CD96: variants seen among roughly 807,000 people sequenced by gnomAD.
The protein encoded by CD96 is CD96 molecule, also known as T-cell surface protein tactile.
In CD96, 70 loss-of-function variants were observed where a neutral mutation model predicts 71.3. That is an observed-to-expected ratio of 0.98 (90% confidence interval 0.81 to 1.20). The LOEUF (loss-of-function observed/expected upper bound fraction) is 1.20, where lower values mean the gene tolerates loss of function less well. Among genes scored for constraint, CD96 ranks in the 50% most tolerant of loss-of-function variants. The probability of loss-of-function intolerance (pLI) is 0.00; values close to 1 mark genes in which losing one functional copy is unlikely to be tolerated. For synonymous variants in CD96, 248 were observed against 233.0 expected (o/e 1.06, Z -0.59); for missense variants, 742 against 677.5 (o/e 1.10, Z -1.06).
At chr3:111,622,675 T>A (rs1049691480) in intron 8 of CD96, among the ~76,000 whole-genome samples, 1 of 152,260 alleles carries the variant, frequency 6.6e-6, no homozygotes, top group African/African-American at 2.4e-5. Context: ...ATGAACATAC[T>A]GGCTATCATA....
chr3:111,612,580 A>G (rs1484830538), intron 8 of CD96, among the ~76,000 whole-genome samples: 2 of 152,232 alleles, frequency 1.3e-5, no homozygotes, highest in Non-Finnish European at 2.9e-5. Context: ...CACTTTACAG[A>G]TGAAGATACT....
chr3:111,542,715 A>G (rs182651435), intron 1 of CD96, among the ~76,000 whole-genome samples: 1 of 152,286 alleles, frequency 6.6e-6, no homozygotes. Context: ...TTTCTCTCTC[A>G]AGTACTCTCT....
chr3:111,567,652 G>A lies in CD96; in HGVS notation c.543+5G>A, dbSNP rs775765829. On this transcript the variant is annotated splice_donor_5th_base_variant and intron_variant, in intron 3 of 13. Transcript: ENST00000352690. ...TTCACCTATGCATGGTCGGTGGTAAGTGTTGCCCTTTTCAGTGAATAACCT... is the reference window on the plus strand; with the variant it reads ...TTCACCTATGCATGGTCGGTGGTAAATGTTGCCCTTTTCAGTGAATAACCT... The A allele has an allele frequency of 1.9e-6, 3 of 1,612,930 alleles. No individual in the cohort carries two copies. Among genetic ancestry groups the A allele is most frequent in the Non-Finnish European group, 1.7e-6 (2 of 1,178,956 alleles).
chr3:111,579,058 C>T lies in CD96; in HGVS notation c.575C>T (p.Ser192Phe), dbSNP rs267599539. 6.2e-7 allele frequency: 1 copy of T among 1,609,584 alleles called. No individual in the cohort carries two copies. Among genetic ancestry groups the T allele is most frequent in the South Asian group, 1.1e-5 (1 of 90,972 alleles). The change falls in exon 4 of 14, where the codon TCC becomes TTC. Residue 192 changes from serine (S) to phenylalanine (F), a missense_variant. Ser to Phe is a radical substitution (Grantham distance 155). Transcript: ENST00000352690. ...AATGGAACTCAGGAAACACTTATCT[C>T]CCAAAATCACCTCATCAGCAATTCC... ...EDNGTQETLI[S>F]QNHLISNSTL...
At chr3:111,551,637 G>T (rs1934710774) in intron 2 of CD96, among the ~76,000 whole-genome samples, 1 of 152,096 alleles carries the variant, frequency 6.6e-6, no homozygotes, top group South Asian at 2.1e-4. Flanking sequence ...TGCCATGGTA[G>T]TTTGCTGCAC....
chr3:111,569,641 C>T (rs763068256), intron 3 of CD96, among the ~76,000 whole-genome samples: 12 of 152,196 alleles, frequency 7.9e-5, no homozygotes, highest in Non-Finnish European at 1.8e-4. Context: ...TAAAGCCTTA[C>T]TGTAGATATT....
chr3:111,646,313 T>A (rs947244754), intron 12 of CD96, among the ~76,000 whole-genome samples: 2 of 152,116 alleles, frequency 1.3e-5, no homozygotes, highest in Non-Finnish European at 2.9e-5. Context: ...TGTGGTGATA[T>A]GGAAAGTATT....
intron 2 of CD96, among the ~76,000 whole-genome samples, chr3:111,555,911 C>T (rs1934991135): frequency 6.6e-6 from 1 of 152,292 alleles, no homozygotes; most frequent in Non-Finnish European, 1.5e-5. Flanking sequence ...TGTTACCATA[C>T]TTGATACTGT....
rs531122825 is a variant in CD96 at position 111,604,874 on chromosome 3, T to G, written c.1088-1826T>G. 1.6e-3 allele frequency among the ~76,000 whole-genome samples: 246 copies of G among 150,738 alleles called. 2 individuals carry two copies. The highest frequency in any genetic ancestry group is 5.9e-3 in the African/African-American group (238 of 40,530). ...CACAAAAGCAACCATGGACAATAGGTTAAAAGAAAAAAAGGGAAAAACTGT... is the reference window on the plus strand; with the variant it reads ...CACAAAAGCAACCATGGACAATAGGGTAAAAGAAAAAAAGGGAAAAACTGT... On this transcript the variant is annotated intron_variant, in intron 7 of 13. Transcript: ENST00000352690.
Position 111,651,329 on chromosome 3 carries a change from G to A in CD96, c.*1523G>A, listed in dbSNP as rs530231449. 5.3e-5 allele frequency: 8 copies of A among 152,284 alleles called. No homozygotes were observed. The East Asian group carries it at 1.5e-3, about 29-fold the overall frequency. 9.4% of individuals were successfully genotyped at this position (152,284 alleles called of 1,614,324 possible). Reference sequence around the variant, plus strand: ...TGAATACAGATGATTTGTGTAACCTGAGGCCAGGATTAAGGGGAGGCAATC... The same window carrying A: ...TGAATACAGATGATTTGTGTAACCTAAGGCCAGGATTAAGGGGAGGCAATC... On this transcript the variant is annotated 3_prime_UTR_variant, in exon 14 of 14. Transcript: ENST00000352690.
At chr3:111,641,148 A>C (rs1321336465) in intron 12 of CD96, among the ~76,000 whole-genome samples, 1 of 152,262 alleles carries the variant, frequency 6.6e-6, no homozygotes, top group Non-Finnish European at 1.5e-5. Flanking sequence ...CTCATATTTC[A>C]ATACTAATAC....
At chr3:111,588,501 A>G (rs1936818058) in intron 5 of CD96, among the ~76,000 whole-genome samples, 1 of 151,990 alleles carries the variant, frequency 6.6e-6, no homozygotes, top group Non-Finnish European at 1.5e-5. Flanking sequence ...AACTGTTCCA[A>G]CCTCTGCCTG....
chr3:111,664,701 G>A (rs866392044), intron 14 of CD96, among the ~76,000 whole-genome samples: 2 of 152,124 alleles, frequency 1.3e-5, no homozygotes, highest in African/African-American at 2.4e-5. Context: ...AAAAGGGAGA[G>A]AGGACTATAT....
intron 2 of CD96, among the ~76,000 whole-genome samples, chr3:111,556,247 A>G (rs111997663): frequency 0.031 from 1,089 of 35,632 alleles, 25 homozygotes; most frequent in African/African-American, 0.082. Flanking sequence ...GTACATGTGC[A>G]CATTGTGCAG....
chr3:111,554,692 A>G (rs1934897898), intron 2 of CD96, among the ~76,000 whole-genome samples: 2 of 152,150 alleles, frequency 1.3e-5, no homozygotes, highest in African/African-American at 4.8e-5. Context: ...AGGTACCGGC[A>G]TGGAAGACAA....
intron 3 of CD96, among the ~76,000 whole-genome samples, chr3:111,576,357 C>T (rs1275618713): frequency 2.6e-5 from 4 of 152,122 alleles, no homozygotes; most frequent in Non-Finnish European, 5.9e-5. Flanking sequence ...GTGCTCTAAA[C>T]ACCTATCATC....
intron 3 of CD96, among the ~76,000 whole-genome samples, chr3:111,573,366 A>G (rs1223426813): frequency 6.6e-6 from 1 of 152,200 alleles, no homozygotes; most frequent in Non-Finnish European, 1.5e-5. Flanking sequence ...ATTTCCTACC[A>G]TGACATACAC....
intron 4 of CD96, among the ~76,000 whole-genome samples, chr3:111,581,767 G>T (rs922528328): frequency 1.5e-4 from 23 of 152,264 alleles, no homozygotes; most frequent in African/African-American, 5.5e-4. Flanking sequence ...GCTGGTATTT[G>T]TTAACAGGAG....
At chr3:111,585,808 G>C (rs1252007422) in intron 5 of CD96, among the ~76,000 whole-genome samples, 2 of 152,048 alleles carry the variant, frequency 1.3e-5, no homozygotes, top group South Asian at 4.1e-4. Context: ...GACAGGAGGA[G>C]ATATGCCCTC....
Sources: allele counts gnomAD v4.1 joint callset (sites outside exome capture counted in the v4.1 genomes callset), GRCh38; gene constraint gnomAD v4.1.1; transcripts MANE v1.5; gene names NCBI Gene and HGNC (gene_info 2026-07-23, HGNC 2026-07-21).